KPNA7: variants seen among roughly 807,000 people sequenced by gnomAD.
The protein encoded by KPNA7 is importin subunit alpha-8.
Under a neutral mutation model 53.7 loss-of-function variants are expected in KPNA7, and 54 were observed. That is an observed-to-expected ratio of 1.01 (90% confidence interval 0.81 to 1.26). The LOEUF (loss-of-function observed/expected upper bound fraction) is 1.26, where lower values mean the gene tolerates loss of function less well. KPNA7 is among the 50% of genes most tolerant of loss of function. The pLI, the probability that KPNA7 is intolerant of heterozygous loss-of-function variation, is 0.00. For missense variants in KPNA7, 640 were observed against 644.5 expected, an observed-to-expected ratio of 0.99 and a Z score of 0.07; for synonymous variants, 276 against 259.3, an observed-to-expected ratio of 1.06 and a Z score of -0.62.
chr7:99,175,167 C>T (rs1285856703), intron 10 of KPNA7, among the ~76,000 whole-genome samples: 1 of 152,084 alleles, frequency 6.6e-6, no homozygotes, highest in Admixed American at 6.6e-5. Flanking sequence ...AAATGCTTAT[C>T]ACCATTATCA....
At chr7:99,204,723 A>G (rs1347735650) in intron 2 of KPNA7, among the ~76,000 whole-genome samples, 1 of 151,302 alleles carries the variant, frequency 6.6e-6, no homozygotes, top group African/African-American at 2.4e-5. Context: ...AAAGAAATAA[A>G]AAATTAGCCA....
the KPNA7 span, among the ~76,000 whole-genome samples, chr7:99,165,776 G>A: frequency 4.6e-5 from 7 of 152,140 alleles, no homozygotes; most frequent in African/African-American, 1.7e-4. Flanking sequence ...ATGTTGTCCA[G>A]GCTGGACTTG....
In KPNA7 at chr7:99,173,606, T is replaced by TA; in HGVS notation, c.*101dup. Reference sequence around the variant, plus strand: ...TGAACATTTTATTAATGTCAAGTTTTAAAAGCTTCACATTTGGGTTACACT... The same window carrying TA: ...TGAACATTTTATTAATGTCAAGTTTTAAAAAGCTTCACATTTGGGTTACACT... On this transcript the variant is annotated 3_prime_UTR_variant, in exon 11 of 11. Coordinates refer to ENST00000327442, the MANE Select transcript of KPNA7 (RefSeq NM_001145715.3). The TA allele has an allele frequency of 1.5e-6, 1 of 666,114 alleles. No individual in the cohort carries two copies. The allele number at this position is 666,114 out of a possible 1,614,324, so 41.3% of individuals were successfully genotyped here.
intron 10 of KPNA7, 69 bp from the exon 11 acceptor site, chr7:99,173,863 G>C (rs918363347): frequency 2.2e-6 from 2 of 924,852 alleles, no homozygotes; most frequent in Non-Finnish European, 1.7e-6. Context: ...CATTTGGCAA[G>C]ATGCACCTTG....
chr7:99,205,233 C>T lies in KPNA7; in HGVS notation c.67-1993G>A, dbSNP rs1482387835. Among the ~76,000 whole-genome samples the T allele has an allele frequency of 4.0e-5, 6 of 150,292 alleles. No individual in the cohort carries two copies. In the East Asian group the frequency reaches 8.0e-4, roughly 20 times the overall value. On this transcript the variant is annotated intron_variant, in intron 2 of 10. Coordinates refer to ENST00000327442, the MANE Select transcript of KPNA7 (RefSeq NM_001145715.3). ...GGTCAGAAGATCGAGACCATCCTGG[C>T]CAACATGTTGAAACCCCATCTCTAC...
the KPNA7 span, among the ~76,000 whole-genome samples, chr7:99,161,268 T>TCTCTCTCTCTCTCTCTCCCC: frequency 1.9e-4 from 24 of 123,086 alleles, no homozygotes; most frequent in African/African-American, 6.9e-4. Flanking sequence ...TCTCTCTCTC[T>TCTCTCTCTCTCTCTCTCCCC]CTGATCACTT....
At chr7:99,155,268 T>C in the KPNA7 span, among the ~76,000 whole-genome samples, 1 of 152,210 alleles carries the variant, frequency 6.6e-6, no homozygotes, top group African/African-American at 2.4e-5. Context: ...CCCTCCATGT[T>C]AGACAAAGAT....
chr7:99,193,759 C>T, intron 5 of KPNA7, among the ~76,000 whole-genome samples: 1 of 151,850 alleles, frequency 6.6e-6, no homozygotes, highest in Non-Finnish European at 1.5e-5. Context: ...CTCACTGCAG[C>T]CTCGACCTCC....
At chr7:99,177,857 A>AC in intron 10 of KPNA7, 63 bp downstream of exon 10, 1 of 1,490,268 alleles carries the variant, frequency 6.7e-7, no homozygotes, top group African/African-American at 1.4e-5. Flanking sequence ...CGGCAGGGTG[A>AC]CCCTCTGCAG....
At chr7:99,211,313 T>G (rs34337778), upstream of KPNA7, among the ~76,000 whole-genome samples, 2,625 of 152,156 alleles carry the variant, frequency 0.017, 49 homozygotes, top group Admixed American at 0.044. Flanking sequence ...TCCCAACTAC[T>G]TGAGAGGCCG....
chr7:99,162,084 T>A, the KPNA7 span, among the ~76,000 whole-genome samples: 1 of 150,184 alleles, frequency 6.7e-6, no homozygotes, highest in Non-Finnish European at 1.5e-5. Flanking sequence ...TTGCTCTTGT[T>A]GCCCAGGCTG....
the KPNA7 span, among the ~76,000 whole-genome samples, chr7:99,159,549 T>C: frequency 6.6e-6 from 1 of 152,036 alleles, no homozygotes. Flanking sequence ...CTGGTAACCA[T>C]GATCACATTG....
At chr7:99,152,540 G>C in the KPNA7 span, among the ~76,000 whole-genome samples, 1 of 152,088 alleles carries the variant, frequency 6.6e-6, no homozygotes, top group Non-Finnish European at 1.5e-5. Context: ...TTCATGTTTG[G>C]TGTTTTTGCT....
At chr7:99,169,236 C>A (rs1798728319), downstream of KPNA7, among the ~76,000 whole-genome samples, 1 of 152,058 alleles carries the variant, frequency 6.6e-6, no homozygotes, top group South Asian at 2.1e-4. Flanking sequence ...TTGGCAGGTC[C>A]CTGAGAAGGT....
intron 5 of KPNA7, among the ~76,000 whole-genome samples, chr7:99,193,727 G>A (rs1244976496): frequency 6.6e-6 from 1 of 151,820 alleles, no homozygotes; most frequent in African/African-American, 2.4e-5. Context: ...GCCCTGGCTG[G>A]AGTGCAGTGG....
upstream of KPNA7, among the ~76,000 whole-genome samples, chr7:99,209,060 G>C (rs995599694): frequency 2.0e-5 from 3 of 152,152 alleles, no homozygotes; most frequent in Non-Finnish European, 4.4e-5. Context: ...GCTGAAGCAG[G>C]AGGATCACTT....
chr7:99,218,339 C>A (rs986202986), intron 1 of KPNA7, among the ~76,000 whole-genome samples: 1 of 151,970 alleles, frequency 6.6e-6, no homozygotes, highest in Middle Eastern at 3.4e-3. Flanking sequence ...TCTTTGTTGC[C>A]CAGGCTGGTC....
At chr7:99,151,246 A>G in the KPNA7 span, among the ~76,000 whole-genome samples, 1 of 152,196 alleles carries the variant, frequency 6.6e-6, no homozygotes, top group Non-Finnish European at 1.5e-5. Flanking sequence ...GCCTGCATCA[A>G]TCCTCTATCT....
In KPNA7 at chr7:99,173,800, G is replaced by A. The variant is rs761158968; in HGVS notation, c.1465-6C>T. 2.1e-5 allele frequency: 32 copies of A among 1,500,520 alleles called. No homozygotes were observed. Among genetic ancestry groups the A allele is most frequent in the Non-Finnish European group, 2.8e-5 (31 of 1,100,560 alleles). 93.0% of individuals were successfully genotyped at this position (1,500,520 alleles called of 1,614,324 possible). A position where few individuals can be genotyped will look rare whatever the true frequency, so the allele number is the denominator to read the frequency against. ...GTTTGGCTCTCATCTTCTTCCTTCA[G>A]GAGAGAATAGACACTGTTATACCTC... is the stretch of plus-strand genomic sequence containing the variant. On this transcript the variant is annotated splice_region_variant and splice_polypyrimidine_tract_variant and intron_variant, in intron 10 of 10. Transcript: ENST00000327442.
Sources: gnomAD v4.1 joint callset for allele counts (sites outside exome capture counted in the v4.1 genomes callset) on GRCh38, gnomAD v4.1.1 for gene constraint, MANE v1.5 for transcripts, NCBI Gene and HGNC (gene_info 2026-07-23, HGNC 2026-07-21) for gene names.